Variants in TM9SF2 observed in about 807,000 individuals in gnomAD.
TM9SF2 encodes transmembrane 9 superfamily member 2, also known as 76 kDa membrane protein.
In TM9SF2, 13 loss-of-function variants were observed where a neutral mutation model predicts 84.9. The observed-to-expected ratio is 0.15, with a 90% CI of 0.10 to 0.24. The LOEUF (loss-of-function observed/expected upper bound fraction) is 0.24, where lower values mean the gene tolerates loss of function less well. TM9SF2 is among the 10% of genes least tolerant of loss of function. The probability of loss-of-function intolerance (pLI) is 1.00; values close to 1 mark genes in which losing one functional copy is unlikely to be tolerated. For synonymous variants in TM9SF2, 273 were observed against 285.8 expected (o/e 0.96, Z 0.45); for missense variants, 562 against 818.5 (o/e 0.69, Z 3.82).
chr13:99,540,115 A>T (rs1187232626), intron 7 of TM9SF2, among the ~76,000 whole-genome samples: 1 of 152,212 alleles, frequency 6.6e-6, no homozygotes, highest in Non-Finnish European at 1.5e-5. Flanking sequence ...AGAAAATTGA[A>T]GGGAGTATTT....
At chr13:99,521,631 ATCACT>A (rs1315596507) in intron 3 of TM9SF2, among the ~76,000 whole-genome samples, 2 of 152,254 alleles carry the variant, frequency 1.3e-5, no homozygotes, top group Non-Finnish European at 2.9e-5. Flanking sequence ...GAAAAGAAAC[ATCACT>A]GTGCAAATTT....
At chr13:99,517,744 G>T in intron 2 of TM9SF2, 63 bp downstream of exon 2, 2 of 1,176,216 alleles carry the variant, frequency 1.7e-6, no homozygotes, top group South Asian at 3.0e-5. Context: ...TTTGTACATT[G>T]AGAACTTTGT....
intron 9 of TM9SF2, among the ~76,000 whole-genome samples, chr13:99,542,302 T>G (rs1351333586): frequency 6.6e-6 from 1 of 152,242 alleles, no homozygotes; most frequent in East Asian, 1.9e-4. Context: ...ACATACCTGT[T>G]TGTGAAACCA....
intron 1 of TM9SF2, among the ~76,000 whole-genome samples, chr13:99,509,928 A>G (rs185893235): frequency 1.3e-5 from 2 of 152,298 alleles, no homozygotes; most frequent in East Asian, 3.9e-4. Flanking sequence ...GTTTAAATAT[A>G]AATTCCAGCT....
chr13:99,557,208 G>GA (rs1300801112), intron 15 of TM9SF2, among the ~76,000 whole-genome samples: 6 of 151,996 alleles, frequency 3.9e-5, no homozygotes, highest in Non-Finnish European at 5.9e-5. Context: ...TTCCATTTTT[G>GA]AAAAAATTGT....
chr13:99,540,057 T>C (rs1271310919), intron 7 of TM9SF2, among the ~76,000 whole-genome samples: 2 of 152,194 alleles, frequency 1.3e-5, no homozygotes, highest in Admixed American at 6.5e-5. Context: ...AAAATCAAGA[T>C]TTAATTATGA....
At chr13:99,544,097 A>C (rs2139101206) in intron 10 of TM9SF2, 102 bp downstream of exon 10, 2 of 1,363,078 alleles carry the variant, frequency 1.5e-6, no homozygotes, top group Non-Finnish European at 2.0e-6. Flanking sequence ...CATGCCTGTA[A>C]TCCTAGCACT....
At chr13:99,557,244 T>A (rs1191713226) in intron 15 of TM9SF2, among the ~76,000 whole-genome samples, 1 of 152,224 alleles carries the variant, frequency 6.6e-6, no homozygotes, top group Non-Finnish European at 1.5e-5. Context: ...TGTGAAGCGG[T>A]GTCTCATTCT....
chr13:99,533,893 A>G (rs981055520), intron 4 of TM9SF2, among the ~76,000 whole-genome samples: 6 of 151,766 alleles, frequency 4.0e-5, no homozygotes, highest in Non-Finnish European at 7.4e-5. Flanking sequence ...CTGCTCTCGA[A>G]CTCCTGACCT....
chr13:99,527,407 C>T (rs757754334), intron 3 of TM9SF2, among the ~76,000 whole-genome samples: 5 of 152,078 alleles, frequency 3.3e-5, no homozygotes, highest in East Asian at 1.9e-4. Context: ...CTTCATGTGG[C>T]GGCAGAAAAG....
intron 1 of TM9SF2, among the ~76,000 whole-genome samples, chr13:99,513,132 A>G (rs1486822128): frequency 6.6e-6 from 1 of 152,208 alleles, no homozygotes; most frequent in African/African-American, 2.4e-5. Flanking sequence ...GGAAGGAAAT[A>G]AAGAACTGTC....
chr13:99,536,646 T>C lies in TM9SF2; in HGVS notation c.500T>C (p.Val167Ala). 1.2e-6 allele frequency: 2 copies of C among 1,613,834 alleles called. No individual in the cohort carries two copies. Among genetic ancestry groups the C allele is most frequent in the Non-Finnish European group, 1.7e-6 (2 of 1,179,766 alleles). Reference protein sequence around the residue: ...DNMPVTWCYDVEDGQRFCNPG... With the variant: ...DNMPVTWCYDAEDGQRFCNPG... ...ATGCCTGTAACGTGGTGTTACGATG[T>C]TGAAGATGGTCAGAGGTTCTGTAAT... The change falls in exon 5 of 17, where the codon GTT (valine) becomes GCT (alanine). Residue 167 changes from valine to alanine, a missense_variant. This residue lies in a region of TM9SF2 where 267 missense variants were observed against 316.7 expected (regional missense o/e 0.84). Transcript: ENST00000376387.
chr13:99,536,601 T>C lies in TM9SF2; in HGVS notation c.462-7T>C, dbSNP rs2046235711. 2 of 1,609,568 alleles carry C rather than the reference T, an allele frequency of 1.2e-6. No individual in the cohort carries two copies. The highest frequency in any genetic ancestry group is 1.7e-6 in the Non-Finnish European group (2 of 1,177,632). ...TTTTCTAACTTAACTCCTCTTTCCATGTGTAGGATTGTGGATAATATGCCT... is the reference window on the plus strand; with the variant it reads ...TTTTCTAACTTAACTCCTCTTTCCACGTGTAGGATTGTGGATAATATGCCT... On this transcript the variant is annotated splice_region_variant and splice_polypyrimidine_tract_variant and intron_variant, in intron 4 of 16. Transcript: ENST00000376387.
chr13:99,543,016 A>C (rs2046267417), intron 9 of TM9SF2, among the ~76,000 whole-genome samples: 1 of 152,046 alleles, frequency 6.6e-6, no homozygotes, highest in African/African-American at 2.4e-5. Flanking sequence ...TTACCTCAGC[A>C]CTCTGCTGCA....
chr13:99,508,443 A>ACACCC, intron 1 of TM9SF2, among the ~76,000 whole-genome samples: 1 of 147,560 alleles, frequency 6.8e-6, no homozygotes, highest in East Asian at 2.0e-4. Flanking sequence ...ACACACACAC[A>ACACCC]CCCCAGAGAT....
In TM9SF2 at chr13:99,549,156, C is replaced by T. The variant is rs893815850; in HGVS notation, c.1271-9C>T. 4 of 1,609,518 alleles carry T rather than the reference C, an allele frequency of 2.5e-6. No individual in the cohort carries two copies. In the African/African-American group the frequency reaches 5.4e-5, roughly 22 times the overall value. ...TCTGTATTTATACAACTTTTGTTTT[C>T]TTCTATAGCCTTTGGAGGTGAGAAG... On this transcript the variant is annotated splice_polypyrimidine_tract_variant and intron_variant, in intron 11 of 16. Transcript: ENST00000376387.
intron 1 of TM9SF2, among the ~76,000 whole-genome samples, chr13:99,505,142 G>T (rs2139066559): frequency 6.9e-6 from 1 of 144,058 alleles, no homozygotes. Flanking sequence ...TGATGTGATG[G>T]TCCCTAAGAC....
intron 3 of TM9SF2, among the ~76,000 whole-genome samples, chr13:99,523,998 A>G (rs1226061313): frequency 6.6e-6 from 1 of 152,146 alleles, no homozygotes; most frequent in East Asian, 1.9e-4. Context: ...GTTCTAGCTG[A>G]AGAGAGGCCC....
At chr13:99,532,321 A>T (rs2046214269) in intron 4 of TM9SF2, among the ~76,000 whole-genome samples, 1 of 151,870 alleles carries the variant, frequency 6.6e-6, no homozygotes, top group South Asian at 2.1e-4. Flanking sequence ...AAGTGCTGGG[A>T]TTACAAGTGT....
Sources: allele counts gnomAD v4.1 joint callset (sites outside exome capture counted in the v4.1 genomes callset), GRCh38; gene constraint gnomAD v4.1.1; regional missense constraint gnomAD v4.1.1; transcripts MANE v1.5; gene names NCBI Gene and HGNC (gene_info 2026-07-23, HGNC 2026-07-21).